Variants in EML6 observed in about 807,000 individuals in gnomAD.
EML6 encodes the protein EMAP like 6.
Under a neutral mutation model 240.1 loss-of-function variants are expected in EML6, and 154 were observed. The ratio of observed to expected loss-of-function variants is 0.64; its 90% confidence interval spans 0.56 to 0.73. The LOEUF (loss-of-function observed/expected upper bound fraction) is 0.73. Ranked by LOEUF, EML6 falls within the 30% of genes least tolerant of loss-of-function variation. The pLI, the probability that EML6 is intolerant of heterozygous loss-of-function variation, is 0.00. For missense variants in EML6, 2,964 were observed against 2,474.6 expected, an observed-to-expected ratio of 1.20 and a Z score of -4.20; for synonymous variants, 1,148 against 899.0, an observed-to-expected ratio of 1.28 and a Z score of -4.95.
At chr2:54,905,421 A>G (rs930052040) in intron 24 of EML6, among the ~76,000 whole-genome samples, 2 of 151,156 alleles carry the variant, frequency 1.3e-5, no homozygotes, top group African/African-American at 4.9e-5. Context: ...CTCAATGACT[A>G]TTAGGGATTA....
intron 28 of EML6, among the ~76,000 whole-genome samples, chr2:54,931,246 C>T (rs1270172429): frequency 2.0e-5 from 3 of 151,840 alleles, no homozygotes; most frequent in Non-Finnish European, 2.9e-5. Context: ...CGTGAGCCAC[C>T]GCGCCCGGCG....
At chr2:54,851,774 T>A (rs1453070572) in intron 10 of EML6, among the ~76,000 whole-genome samples, 1 of 152,200 alleles carries the variant, frequency 6.6e-6, no homozygotes, top group Non-Finnish European at 1.5e-5. Flanking sequence ...ATGGTGATAA[T>A]GCAAAATAGT....
At chr2:54,884,067 G>C (rs2104013999) in intron 17 of EML6, among the ~76,000 whole-genome samples, 1 of 152,282 alleles carries the variant, frequency 6.6e-6, no homozygotes, top group South Asian at 2.1e-4. Flanking sequence ...GTATTCTCTA[G>C]TTCCGTTCTA....
At chr2:54,772,178 T>C (rs552611002) in intron 2 of EML6, among the ~76,000 whole-genome samples, 62 of 152,358 alleles carry the variant, frequency 4.1e-4, no homozygotes, top group African/African-American at 1.4e-3. Context: ...TGCCAGACAT[T>C]GTGCTAGGCA....
chr2:54,807,263 C>A (rs750977612), intron 2 of EML6, among the ~76,000 whole-genome samples: 1 of 152,042 alleles, frequency 6.6e-6, no homozygotes, highest in Non-Finnish European at 1.5e-5. Context: ...GATTAAAGTT[C>A]CAATATGTAT....
intron 31 of EML6, 77 bp downstream of exon 31, chr2:54,952,769 G>C (rs1004559753): frequency 2.0e-6 from 2 of 981,542 alleles, no homozygotes; most frequent in Non-Finnish European, 3.1e-6. Context: ...GGGAGAGGGA[G>C]TGGGTGGGTT....
At chr2:54,850,350 C>A (rs543111145) in intron 10 of EML6, 132 bp downstream of exon 10, 16 of 730,226 alleles carry the variant, frequency 2.2e-5, no homozygotes, top group Middle Eastern at 4.9e-4. Context: ...GGAAAGCACC[C>A]CCACCTCAGG....
chr2:54,789,499 G>C (rs1669292307), intron 2 of EML6, among the ~76,000 whole-genome samples: 1 of 112,314 alleles, frequency 8.9e-6, no homozygotes, highest in African/African-American at 3.3e-5. Flanking sequence ...GGGCCACAGA[G>C]CGAGACTTCG....
intron 7 of EML6, among the ~76,000 whole-genome samples, chr2:54,830,923 G>C (rs931661567): frequency 5.3e-5 from 8 of 152,204 alleles, no homozygotes; most frequent in African/African-American, 9.7e-5. Context: ...GTTTGGCATA[G>C]GAAGTTGTGG....
At chr2:54,962,087 T>TG (rs943938291) in intron 35 of EML6, among the ~76,000 whole-genome samples, 3 of 149,290 alleles carry the variant, frequency 2.0e-5, no homozygotes, top group African/African-American at 7.4e-5. Context: ...TTACTTGTTT[T>TG]TTTTTTTTTT....
intron 2 of EML6, among the ~76,000 whole-genome samples, chr2:54,745,944 A>C (rs1683892547): frequency 6.6e-6 from 1 of 152,158 alleles, no homozygotes; most frequent in African/African-American, 2.4e-5. Context: ...TTGTAAACCA[A>C]ATTGTAAGCC....
At chr2:54,851,254 C>CA (rs200741931) in intron 10 of EML6, among the ~76,000 whole-genome samples, 4,376 of 150,838 alleles carry the variant, frequency 0.029, 210 homozygotes, top group African/African-American at 0.1. Context: ...GCTAAAGATA[C>CA]AAAAAAAAAT....
Position 54,950,656 on chromosome 2 carries a change from G to T in EML6, c.4090G>T (p.Ala1364Ser). The T allele has an allele frequency of 6.4e-7, 1 of 1,551,608 alleles. No homozygotes were observed. The highest frequency in any genetic ancestry group is 8.7e-7 in the Non-Finnish European group (1 of 1,146,974). The part of the protein sequence containing the change: ...TKKKKLVEEL[A>S]LDHVFGYRGF... ...TCTGTGTGTGTGAATGCAGGAGCTGGCTCTAGACCACGTGTTTGGCTACAG... is the reference window on the plus strand; with the variant it reads ...TCTGTGTGTGTGAATGCAGGAGCTGTCTCTAGACCACGTGTTTGGCTACAG... Residue 1364 changes from alanine (A) to serine (S), a missense_variant, in exon 30 of 42, where the codon GCT becomes TCT. Ala to Ser is a moderately conservative substitution (Grantham distance 99, BLOSUM62 1). Coordinates refer to ENST00000356458, the MANE Select transcript of EML6 (RefSeq NM_001039753.4).
intron 4 of EML6, among the ~76,000 whole-genome samples, 186 bp from the exon 5 acceptor site, chr2:54,820,208 T>C (rs1451613655): frequency 6.6e-6 from 1 of 152,180 alleles, no homozygotes; most frequent in Non-Finnish European, 1.5e-5. Flanking sequence ...TTAAGGTAAG[T>C]AGATATGAGG....
intron 2 of EML6, among the ~76,000 whole-genome samples, chr2:54,803,347 T>C (rs1467708990): frequency 6.6e-6 from 1 of 152,136 alleles, no homozygotes; most frequent in Non-Finnish European, 1.5e-5. Context: ...AATTTAGCCC[T>C]ATTTGTCAGC....
chr2:54,817,902 T>G (rs550048146), intron 4 of EML6, among the ~76,000 whole-genome samples: 4 of 152,060 alleles, frequency 2.6e-5, no homozygotes, highest in Admixed American at 6.5e-5. Flanking sequence ...GGATCAAGTC[T>G]TCAGAAAGCT....
rs549165671 is a variant in EML6, at chr2:54,800,844, A to G, written c.198-12388A>G. ...ATAGACATGTAGGATCCTCAACTCC[A>G]GCCCAGGTAGACTCTTATTGGGGAT... On this transcript the variant is annotated intron_variant, in intron 2 of 41. Coordinates refer to ENST00000356458, the MANE Select transcript of EML6 (RefSeq NM_001039753.4). Among the ~76,000 whole-genome samples the G allele has an allele frequency of 3.3e-4, 51 of 152,300 alleles. No homozygotes were observed. The Middle Eastern group carries it at 0.017, about 51-fold the overall frequency.
intron 13 of EML6, among the ~76,000 whole-genome samples, chr2:54,866,076 G>C (rs1670954773): frequency 6.6e-6 from 1 of 152,090 alleles, no homozygotes; most frequent in African/African-American, 2.4e-5. Flanking sequence ...AATGATTTTT[G>C]ATCAAATCCT....
chr2:54,913,814 C>T (rs1419762221), intron 25 of EML6, among the ~76,000 whole-genome samples: 1 of 152,036 alleles, frequency 6.6e-6, no homozygotes, highest in African/African-American at 2.4e-5. Context: ...ATCTCTAATC[C>T]ATCTTGAGTT....
Sources: gnomAD v4.1 joint callset for allele counts (sites outside exome capture counted in the v4.1 genomes callset) on GRCh38, gnomAD v4.1.1 for gene constraint, MANE v1.5 for transcripts, NCBI Gene and HGNC (gene_info 2026-07-23, HGNC 2026-07-21) for gene names.